Variants in DIS3L observed in about 807,000 individuals in gnomAD.
The protein encoded by DIS3L is DIS3 like exosome 3'-5' exoribonuclease.
A neutral mutation model predicts 120.3 loss-of-function variants in DIS3L; 100 were observed. The ratio of observed to expected loss-of-function variants is 0.83; its 90% CI spans 0.71 to 0.98. The LOEUF (loss-of-function observed/expected upper bound fraction) is 0.98. Among genes scored for constraint, DIS3L ranks in the 50% least tolerant of loss-of-function variants. The pLI, the probability that DIS3L is intolerant of heterozygous loss-of-function variation, is 0.00. For synonymous variants in DIS3L, 426 were observed against 470.6 expected (o/e 0.91, Z 1.23); for missense variants, 1,196 against 1,314.2 (o/e 0.91, Z 1.39).
At chr15:66,308,236 G>A (rs2092720556) in intron 3 of DIS3L, among the ~76,000 whole-genome samples, 1 of 152,144 alleles carries the variant, frequency 6.6e-6, no homozygotes, top group South Asian at 2.1e-4. Flanking sequence ...CTGTTTCCCA[G>A]TTCCGGTTCT....
At chr15:66,331,085 G>A (rs2092993796) in intron 14 of DIS3L, among the ~76,000 whole-genome samples, 1 of 152,084 alleles carries the variant, frequency 6.6e-6, no homozygotes, top group Non-Finnish European at 1.5e-5. Flanking sequence ...AACCCGGGAG[G>A]CAGAGGTTGC....
chr15:66,327,267 T>C (rs34371485), intron 12 of DIS3L, among the ~76,000 whole-genome samples: 8,885 of 152,234 alleles, frequency 0.058, 369 homozygotes, highest in Middle Eastern at 0.11. Flanking sequence ...GGGAACCTGT[T>C]AGTTACCCTT....
chr15:66,293,860 C>T, intron 1 of DIS3L, 125 bp downstream of exon 1: 5 of 931,270 alleles, frequency 5.4e-6, no homozygotes, highest in African/African-American at 2.9e-5. Flanking sequence ...CCGCGGCCTG[C>T]GCCCGCTCGC....
intron 7 of DIS3L, among the ~76,000 whole-genome samples, chr15:66,315,522 G>T (rs2092808488): frequency 6.6e-6 from 1 of 152,014 alleles, no homozygotes; most frequent in African/African-American, 2.4e-5. Flanking sequence ...ACAGTACATT[G>T]TTATTAACTA....
At chr15:66,311,977 C>T (rs151069307) in intron 5 of DIS3L, 77 bp downstream of exon 5, 35 of 1,526,700 alleles carry the variant, frequency 2.3e-5, no homozygotes, top group Middle Eastern at 4.4e-4. Flanking sequence ...TTGGCTAAGG[C>T]TGATAGATTG....
intron 2 of DIS3L, among the ~76,000 whole-genome samples, chr15:66,297,570 T>G (rs1310662584): frequency 6.6e-6 from 1 of 152,252 alleles, no homozygotes; most frequent in African/African-American, 2.4e-5. Context: ...TGGTGATAAT[T>G]AACTTTTTAT....
At chr15:66,311,694 C>T (rs28616181) in intron 4 of DIS3L, 30 bp from the exon 5 acceptor site, 491,442 of 1,610,964 alleles carry the variant, frequency 0.31, 77,348 homozygotes, top group Admixed American at 0.33. Context: ...ACCTTCTGAC[C>T]GTGTTTCTCT....
chr15:66,298,363 T>G (rs1270534617), intron 2 of DIS3L, among the ~76,000 whole-genome samples: 3 of 152,232 alleles, frequency 2.0e-5, no homozygotes, highest in Non-Finnish European at 4.4e-5. Flanking sequence ...TTTCTTCTAT[T>G]GTTATTTAAA....
In DIS3L at chr15:66,315,039, T is replaced by A. The variant is rs1221279792; in HGVS notation, c.818T>A (p.Leu273Ter). The A allele has an allele frequency of 6.2e-7, 1 of 1,613,914 alleles. No individual in the cohort carries two copies. Among genetic ancestry groups the A allele is most frequent in the Middle Eastern group, 1.6e-4 (1 of 6,062 alleles). ...TTCTGTGCTGCCCCAAACACAGATT[T>A]AGTCAGTGACATCCTAATCCACGGG... is the stretch of plus-strand genomic sequence containing the variant. ...LQGASSKDSD[L>*]VSDILIHGMK... Residue 273 changes from leucine to a stop codon, truncating the protein, a stop_gained, in exon 7 of 17, where the codon TTA becomes TAA. Coordinates refer to ENST00000319212, the MANE Select transcript of DIS3L (RefSeq NM_001143688.3). LOFTEE classifies it high-confidence loss of function.
chr15:66,333,375 A>C lies in DIS3L; in HGVS notation c.*63A>C, dbSNP rs915607458. On this transcript the variant is annotated 3_prime_UTR_variant, in exon 17 of 17. Transcript: ENST00000319212. ...GTTTTACAGTCTTTTCAAACTTAAC[A>C]TTTAATGTGTGTCACTCAGTGCTCT... is the stretch of plus-strand genomic sequence containing the variant. 1 of 1,486,548 alleles carries C rather than the reference A, an allele frequency of 6.7e-7. No individual in the cohort carries two copies. Among genetic ancestry groups the C allele is most frequent in the African/African-American group, 1.4e-5 (1 of 70,808 alleles). The allele number at this position is 1,486,548 out of a possible 1,614,324, so 92.1% of individuals were successfully genotyped here.
rs764671776 is a variant in DIS3L, at chr15:66,333,333, A to C, written c.*21A>C. On this transcript the variant is annotated 3_prime_UTR_variant, in exon 17 of 17. Coordinates refer to ENST00000319212, the MANE Select transcript of DIS3L (RefSeq NM_001143688.3). ...TATGAGAGGCTCTTACTTCACTAAGAGCTGTCATATGTGAATGTTTTACAG... is the reference window on the plus strand; with the variant it reads ...TATGAGAGGCTCTTACTTCACTAAGCGCTGTCATATGTGAATGTTTTACAG... The C allele has an allele frequency of 9.5e-5, 149 of 1,573,218 alleles. 4 individuals carry two copies. In the South Asian group the frequency reaches 1.8e-3, roughly 19 times the overall value.
chr15:66,332,082 T>C, intron 15 of DIS3L, 62 bp downstream of exon 15: 1 of 1,431,118 alleles, frequency 7.0e-7, no homozygotes, highest in Non-Finnish European at 9.4e-7. Context: ...GAACACAAAC[T>C]GTACATTAGA....
chr15:66,317,344 G>GAAAAAAA (rs1555403133), intron 7 of DIS3L, among the ~76,000 whole-genome samples: 4 of 79,078 alleles, frequency 5.1e-5, no homozygotes, highest in Non-Finnish European at 7.4e-5. Flanking sequence ...AATATTTGTG[G>GAAAAAAA]GAAAAAAAAA....
rs1181230431 is a variant in DIS3L, at chr15:66,333,411, G to T, written c.*99G>T. ...GTCACTCAGTGCTCTAGTCGATCAG[G>T]ACTGGGTAGCTATTTCGCATATATG... On this transcript the variant is annotated 3_prime_UTR_variant, in exon 17 of 17. Coordinates refer to ENST00000319212, the MANE Select transcript of DIS3L (RefSeq NM_001143688.3). 1.5e-6 allele frequency: 2 copies of T among 1,294,942 alleles called. No homozygotes were observed. Among genetic ancestry groups the T allele is most frequent in the African/African-American group, 3.0e-5 (2 of 66,976 alleles). 80.2% of individuals were successfully genotyped at this position (1,294,942 alleles called of 1,614,324 possible).
intron 12 of DIS3L, among the ~76,000 whole-genome samples, chr15:66,328,306 C>CT (rs2092960062): frequency 6.6e-6 from 1 of 152,140 alleles, no homozygotes; most frequent in African/African-American, 2.4e-5. Flanking sequence ...TCCTTTCCCC[C>CT]TTTTCCCTTA....
Position 66,318,771 on chromosome 15 carries a change from GT to G in DIS3L, c.1164+159del, listed in dbSNP as rs544912148. Among the ~76,000 whole-genome samples, 408 of 152,078 alleles carry G rather than the reference GT, an allele frequency of 2.7e-3. 1 individual carries two copies. Among genetic ancestry groups the G allele is most frequent in the African/African-American group, 9.3e-3 (388 of 41,506 alleles). ...CTGGCATTCCAAGATACTGGGATGT[GT>G]TTTTTGGGGTTTTTTTGTTGTTGTT... On this transcript the variant is annotated intron_variant, in intron 8 of 16. Transcript: ENST00000319212.
chr15:66,314,465 T>TG (rs1165743641), intron 6 of DIS3L, among the ~76,000 whole-genome samples: 3 of 152,098 alleles, frequency 2.0e-5, no homozygotes, highest in Non-Finnish European at 2.9e-5. Flanking sequence ...TTGGAGTAAA[T>TG]TTTTTTTAAG....
intron 7 of DIS3L, 85 bp from the exon 8 acceptor site, chr15:66,318,364 C>T (rs1240850128): frequency 1.4e-6 from 2 of 1,434,090 alleles, no homozygotes; most frequent in East Asian, 2.4e-5. Flanking sequence ...ATTTCTTGTT[C>T]TTTTCCTTAC....
chr15:66,313,863 GTGTA>G (rs2092790222), intron 5 of DIS3L, among the ~76,000 whole-genome samples, 172 bp from the exon 6 acceptor site: 1 of 119,924 alleles, frequency 8.3e-6, no homozygotes, highest in African/African-American at 2.7e-5. Context: ...ATATATATGT[GTGTA>G]TATATATATA....
Sources: gnomAD v4.1 joint callset for allele counts (sites outside exome capture counted in the v4.1 genomes callset) on GRCh38, gnomAD v4.1.1 for gene constraint, MANE v1.5 for transcripts, NCBI Gene and HGNC (gene_info 2026-07-23, HGNC 2026-07-21) for gene names.